The following NBAS variants were observed in gnomAD, a reference collection of about 807,000 sequenced individuals.
NBAS encodes NAG/BC035112 fusion.
In NBAS, 219 loss-of-function variants were observed where a neutral mutation model predicts 302.5. The ratio of observed to expected loss-of-function variants is 0.72; its 90% confidence interval spans 0.65 to 0.81. NBAS has a LOEUF of 0.81. Among genes scored for constraint, NBAS ranks in the 30% least tolerant of loss-of-function variants. The pLI is 0.00. For synonymous variants in NBAS, 1,118 were observed against 1,021.6 expected, an observed-to-expected ratio of 1.09 and a Z score of -1.80; for missense variants, 2,932 against 2,841.6, an observed-to-expected ratio of 1.03 and a Z score of -0.72.
chr2:14,976,358 G>C, the NBAS span, among the ~76,000 whole-genome samples: 1 of 152,136 alleles, frequency 6.6e-6, no homozygotes, highest in African/African-American at 2.4e-5. Context: ...CCACAAATCT[G>C]CATAAGGGAT....
At chr2:14,860,533 A>C in the NBAS span, among the ~76,000 whole-genome samples, 1 of 152,194 alleles carries the variant, frequency 6.6e-6, no homozygotes, top group Admixed American at 6.6e-5. Flanking sequence ...ATTTGCAGCA[A>C]CATGGATTGA....
the NBAS span, among the ~76,000 whole-genome samples, chr2:14,900,385 G>T: frequency 3.4e-4 from 52 of 151,222 alleles, 1 homozygote; most frequent in Non-Finnish European, 1.5e-5. Context: ...TCTGTTCCAA[G>T]AAGAAAAAAA....
At chr2:14,854,446 A>C in the NBAS span, among the ~76,000 whole-genome samples, 2 of 152,106 alleles carry the variant, frequency 1.3e-5, no homozygotes, top group Non-Finnish European at 2.9e-5. Flanking sequence ...CTACACAGAA[A>C]AAAAACCCCT....
At chr2:14,870,129 A>G in the NBAS span, among the ~76,000 whole-genome samples, 1 of 152,292 alleles carries the variant, frequency 6.6e-6, no homozygotes, top group East Asian at 1.9e-4. Flanking sequence ...ATCCCTATAA[A>G]TTCCTTCAGT....
chr2:15,177,645 G>A (rs954964142), intron 51 of NBAS, among the ~76,000 whole-genome samples: 5 of 152,124 alleles, frequency 3.3e-5, no homozygotes, highest in African/African-American at 7.2e-5. Flanking sequence ...GAAAAAAAAT[G>A]CACTGAGAAT....
rs577810851 is a variant in NBAS at position 15,435,230 on chromosome 2, G to A, written c.2340-7436C>T. Reference sequence around the variant, plus strand: ...AGAGGAAAGAATACTTTTAAATCTCGTTTTCATTCATCTTACCAAAAAAGC... The same window carrying A: ...AGAGGAAAGAATACTTTTAAATCTCATTTTCATTCATCTTACCAAAAAAGC... On this transcript the variant is annotated intron_variant, in intron 21 of 51. Coordinates refer to ENST00000281513, the MANE Select transcript of NBAS (RefSeq NM_015909.4). Among the ~76,000 whole-genome samples, 39 of 152,240 alleles carry A rather than the reference G, an allele frequency of 2.6e-4. 1 individual carries two copies. Among genetic ancestry groups the A allele is most frequent in the Admixed American group, 1.6e-3 (25 of 15,300 alleles).
chr2:15,173,034 C>T (rs1200193158), intron 51 of NBAS, among the ~76,000 whole-genome samples: 1 of 152,152 alleles, frequency 6.6e-6, no homozygotes, highest in African/African-American at 2.4e-5. Context: ...CAGTAAATAG[C>T]TGATGTTAAT....
chr2:15,002,005 T>G, the NBAS span, among the ~76,000 whole-genome samples: 2 of 152,188 alleles, frequency 1.3e-5, no homozygotes, highest in African/African-American at 4.8e-5. Flanking sequence ...CTGATTGGTA[T>G]AGCCCAGTGG....
At chr2:14,998,186 C>T in the NBAS span, among the ~76,000 whole-genome samples, 42 of 152,292 alleles carry the variant, frequency 2.8e-4, no homozygotes, top group East Asian at 1.3e-3. Flanking sequence ...TCTTCTTTCT[C>T]CCAAACACGA....
the NBAS span, among the ~76,000 whole-genome samples, chr2:14,892,546 C>T: frequency 1.3e-5 from 2 of 151,914 alleles, no homozygotes; most frequent in African/African-American, 2.4e-5. Context: ...TATATTATAC[C>T]GACTCTATGG....
the NBAS span, among the ~76,000 whole-genome samples, chr2:14,952,183 C>A: frequency 6.6e-6 from 1 of 152,284 alleles, no homozygotes; most frequent in Middle Eastern, 3.4e-3. Flanking sequence ...GTAGCAGCAG[C>A]ACCTTAGCAG....
chr2:14,830,267 G>C, the NBAS span, among the ~76,000 whole-genome samples: 4 of 152,192 alleles, frequency 2.6e-5, no homozygotes, highest in Non-Finnish European at 4.4e-5. Flanking sequence ...AAGCCTAGCA[G>C]CAGGCGGGTC....
At chr2:15,072,989 A>G in the NBAS span, among the ~76,000 whole-genome samples, 32 of 152,186 alleles carry the variant, frequency 2.1e-4, no homozygotes, top group African/African-American at 6.3e-4. Context: ...TCAGCCAGGC[A>G]TTGGTGGCTC....
intron 21 of NBAS, among the ~76,000 whole-genome samples, chr2:15,451,040 A>G (rs1234534097): frequency 2.0e-5 from 3 of 152,020 alleles, no homozygotes; most frequent in Non-Finnish European, 4.4e-5. Flanking sequence ...TCATTCATTC[A>G]TTCATTCATC....
chr2:15,330,586 T>C lies in NBAS; in HGVS notation c.4347+12A>G. The C allele has an allele frequency of 6.2e-7, 1 of 1,613,562 alleles. No homozygotes were observed. Among genetic ancestry groups the C allele is most frequent in the Non-Finnish European group, 8.5e-7 (1 of 1,179,668 alleles). On this transcript the variant is annotated intron_variant, in intron 36 of 51. Transcript: ENST00000281513. ...ATGCAGTTGATTTTAAAAAGAAAGA[T>C]GCACTGCTTACCTGAAGGGGTCGAA...
Position 15,218,863 on chromosome 2 carries a change from C to A in NBAS, c.6342G>T (p.Gly2114=), listed in dbSNP as rs755723814. Residue 2114 remains glycine (G), a synonymous_variant, in exon 48 of 52, where the codon GGG becomes GGT. Transcript: ENST00000281513. ...RPRIHVLQIL[G]QSFHLTEEDS... is the part of the protein sequence containing the mutation. ...CCTCCTCAGTCAGGTGAAATGATTG[C>A]CCCAAAATCTGCAGCACGTGAATGC... 11 of 1,614,156 alleles carry A rather than the reference C, an allele frequency of 6.8e-6. No individual in the cohort carries two copies. Among genetic ancestry groups the A allele is most frequent in the South Asian group, 6.6e-5 (6 of 91,094 alleles).
At chr2:15,269,379 T>C (rs180956576) in intron 44 of NBAS, among the ~76,000 whole-genome samples, 11 of 152,288 alleles carry the variant, frequency 7.2e-5, no homozygotes, top group African/African-American at 2.6e-4. Context: ...TGAGACAGGG[T>C]TGCCTATTTG....
At chr2:14,903,069 A>T in the NBAS span, among the ~76,000 whole-genome samples, 1 of 152,180 alleles carries the variant, frequency 6.6e-6, no homozygotes, top group Non-Finnish European at 1.5e-5. Context: ...GAATGAAAAA[A>T]AAAAATGAAA....
At chr2:15,015,766 A>G in the NBAS span, among the ~76,000 whole-genome samples, 334 of 152,254 alleles carry the variant, frequency 2.2e-3, 1 homozygote, top group African/African-American at 7.2e-3. Context: ...CTTATTCAAC[A>G]TAGTACTGGA....
Sources: allele counts gnomAD v4.1 joint callset (sites outside exome capture counted in the v4.1 genomes callset), GRCh38; gene constraint gnomAD v4.1.1; transcripts MANE v1.5; gene names NCBI Gene and HGNC (gene_info 2026-07-23, HGNC 2026-07-21).